Variants in SCLT1 observed in about 807,000 individuals in gnomAD.
The protein encoded by SCLT1 is sodium channel and clathrin linker 1, also known as sodium channel-associated protein 1.
In SCLT1, 78 loss-of-function variants were observed where a neutral mutation model predicts 112.8. The observed-to-expected ratio is 0.69, with a 90% confidence interval of 0.58 to 0.83. The LOEUF is 0.83. Among genes scored for constraint, SCLT1 ranks in the 40% least tolerant of loss-of-function variants. The pLI is 0.00. For missense variants in SCLT1, 747 were observed against 770.4 expected (o/e 0.97, Z 0.36); for synonymous variants, 257 against 254.7 (o/e 1.01, Z -0.09).
intron 18 of SCLT1, among the ~76,000 whole-genome samples, chr4:128,903,264 T>C (rs1264359789): frequency 6.6e-6 from 1 of 151,412 alleles, no homozygotes; most frequent in African/African-American, 2.4e-5. Context: ...ACCTGAGTAA[T>C]GCATTGCACT....
At chr4:128,878,296 CGA>C (rs573537568) in intron 3 of SCLT1, among the ~76,000 whole-genome samples, 3 of 152,168 alleles carry the variant, frequency 2.0e-5, no homozygotes, top group African/African-American at 7.2e-5. Context: ...TATATATGGC[CGA>C]GTTTTACAAA....
chr4:128,975,518 A>T lies in SCLT1; in HGVS notation c.687-5050T>A, dbSNP rs530321677. On this transcript the variant is annotated intron_variant, in intron 9 of 20. Transcript: ENST00000281142. Reference sequence around the variant, plus strand: ...GTACAATGAGTCTATTTTAAGACAAATTTTTATGTTTCTTCCTGCACTGTC... The same window carrying T: ...GTACAATGAGTCTATTTTAAGACAATTTTTTATGTTTCTTCCTGCACTGTC... 1.5e-3 allele frequency among the ~76,000 whole-genome samples: 224 copies of T among 152,288 alleles called. 1 individual carries two copies. The highest frequency in any genetic ancestry group is 5.1e-3 in the African/African-American group (213 of 41,580).
rs1423913250 is a variant in SCLT1, at chr4:128,997,931, T to C, written c.558A>G (p.Leu186=). ...GTTTGGTCAGTTGTTGAAAATCAAA[T>C]AGCTGATCCTACAGTGGGAAGGTAA... ...VFESQKQKDQ[L]FDFQQLTKQL... is the part of the protein sequence containing the mutation. The change falls in exon 8 of 21, where the codon CTA becomes CTG. Residue 186 remains leucine, a synonymous_variant. Coordinates refer to ENST00000281142, the MANE Select transcript of SCLT1 (RefSeq NM_144643.4). 1 of 1,506,738 alleles carries C rather than the reference T, an allele frequency of 6.6e-7. No homozygotes were observed. The highest frequency in any genetic ancestry group is 8.9e-7 in the Non-Finnish European group (1 of 1,118,738). 93.3% of individuals were successfully genotyped at this position (1,506,738 alleles called of 1,614,324 possible). A position where few individuals can be genotyped will look rare whatever the true frequency, so the allele number is the denominator to read the frequency against.
intron 13 of SCLT1, among the ~76,000 whole-genome samples, chr4:128,954,148 G>C (rs1406066448): frequency 6.6e-6 from 1 of 151,930 alleles, no homozygotes; most frequent in Non-Finnish European, 1.5e-5. Context: ...TAAATTTTAT[G>C]ATCTAAAGGT....
intron 2 of SCLT1, among the ~76,000 whole-genome samples, chr4:129,063,874 C>T (rs1417564027): frequency 1.3e-5 from 2 of 152,190 alleles, no homozygotes; most frequent in Admixed American, 6.5e-5. Flanking sequence ...AAGCCAGGAG[C>T]TTACTCACTA....
intron 5 of SCLT1, among the ~76,000 whole-genome samples, chr4:129,016,035 CTTG>C (rs889549445): frequency 2.0e-5 from 3 of 151,982 alleles, no homozygotes; most frequent in Non-Finnish European, 2.9e-5. Flanking sequence ...GATTAATTAT[CTTG>C]TTATGTCTCA....
In SCLT1 at chr4:128,936,857, G is replaced by A; in HGVS notation, c.1633-6C>T. On this transcript the variant is annotated splice_region_variant and splice_polypyrimidine_tract_variant and intron_variant, in intron 17 of 20. Transcript: ENST00000281142. The stretch of plus-strand genomic sequence containing the variant: ...TCATGTTCCATTGTACTGATCTAAA[G>A]AATAAAATGAAAACGTATTTTCTTT... 7.0e-7 allele frequency: 1 copy of A among 1,427,452 alleles called. No individual in the cohort carries two copies. Among genetic ancestry groups the A allele is most frequent in the Non-Finnish European group, 9.6e-7 (1 of 1,044,262 alleles). The allele number at this position is 1,427,452 out of a possible 1,614,324, so 88.4% of individuals were successfully genotyped here. A position where few individuals can be genotyped will look rare whatever the true frequency, so the allele number is the denominator to read the frequency against.
At chr4:128,906,601 G>A (rs908017904) in intron 18 of SCLT1, among the ~76,000 whole-genome samples, 2 of 152,162 alleles carry the variant, frequency 1.3e-5, no homozygotes, top group African/African-American at 4.8e-5. Flanking sequence ...ATCCTTCACA[G>A]GAAGCTTATT....
chr4:129,051,686 C>A (rs1254868511), intron 2 of SCLT1, among the ~76,000 whole-genome samples: 2 of 152,178 alleles, frequency 1.3e-5, no homozygotes, highest in Non-Finnish European at 2.9e-5. Context: ...GACAATATGA[C>A]TTCCTCTTTT....
intron 5 of SCLT1, 52 bp downstream of exon 5, chr4:129,038,987 TAA>T: frequency 2.7e-6 from 3 of 1,100,012 alleles, no homozygotes; most frequent in Non-Finnish European, 4.1e-6. Context: ...ATAACAAAAA[TAA>T]AAGTTACCTA....
intron 5 of SCLT1, among the ~76,000 whole-genome samples, chr4:129,028,427 A>C (rs1287102958): frequency 6.6e-6 from 1 of 152,182 alleles, no homozygotes; most frequent in Non-Finnish European, 1.5e-5. Context: ...GCAATGGGGA[A>C]AGGATTCCCT....
chr4:128,945,561 C>G (rs954305475), intron 16 of SCLT1, among the ~76,000 whole-genome samples: 1 of 151,844 alleles, frequency 6.6e-6, no homozygotes, highest in East Asian at 1.9e-4. Flanking sequence ...TTAGGTAATA[C>G]CGTCGGGGTG....
intron 9 of SCLT1, among the ~76,000 whole-genome samples, chr4:128,979,993 T>A (rs972296307): frequency 6.6e-6 from 1 of 152,236 alleles, no homozygotes; most frequent in Non-Finnish European, 1.5e-5. Context: ...CAGTAATCCC[T>A]TTAAATAACA....
intron 18 of SCLT1, among the ~76,000 whole-genome samples, chr4:128,900,626 T>C (rs1734199656): frequency 6.6e-6 from 1 of 152,200 alleles, no homozygotes; most frequent in African/African-American, 2.4e-5. Flanking sequence ...GGCAAGGACT[T>C]CATGTCTAAA....
chr4:128,897,303 C>T (rs1203889344), intron 18 of SCLT1, among the ~76,000 whole-genome samples: 1 of 151,982 alleles, frequency 6.6e-6, no homozygotes, highest in South Asian at 2.1e-4. Flanking sequence ...AAGGGAAGCC[C>T]ATCAGACTAA....
chr4:128,975,039 ACTT>A (rs1486968378), intron 9 of SCLT1, among the ~76,000 whole-genome samples: 2 of 60,134 alleles, frequency 3.3e-5, no homozygotes, highest in Non-Finnish European at 5.7e-5. Context: ...TTGAATGACA[ACTT>A]TTTTTTTTTT....
Position 129,087,316 on chromosome 4 carries a change from A to G in SCLT1, c.35-4943T>C, listed in dbSNP as rs923737669. Among the ~76,000 whole-genome samples the G allele has an allele frequency of 4.8e-4, 73 of 152,222 alleles. 1 individual carries two copies. Among genetic ancestry groups the G allele is most frequent in the Non-Finnish European group, 1.5e-4 (10 of 68,044 alleles). Reference sequence around the variant, plus strand: ...ATTTTAAAACCTTTCCACAAAGAAAACTTCAGGTCCAGTTGGCTTCACTGG... The same window carrying G: ...ATTTTAAAACCTTTCCACAAAGAAAGCTTCAGGTCCAGTTGGCTTCACTGG... On this transcript the variant is annotated intron_variant, in intron 1 of 20. Coordinates refer to ENST00000281142, the MANE Select transcript of SCLT1 (RefSeq NM_144643.4).
rs1732746211 is a variant in SCLT1, at chr4:128,884,539, G to A, written c.2005C>T (p.Leu669Phe). 1.3e-6 allele frequency: 2 copies of A among 1,591,038 alleles called. No homozygotes were observed. The highest frequency in any genetic ancestry group is 1.7e-6 in the Non-Finnish European group (2 of 1,160,718). The change falls in exon 21 of 21, where the codon CTC becomes TTC. Residue 669 changes from leucine to phenylalanine, a missense_variant and splice_region_variant. Physicochemically the swap from Leu to Phe is conservative, Grantham distance 22. This residue lies in a region of SCLT1 where 24 missense variants were observed against 49.1 expected (regional missense o/e 0.49). Transcript: ENST00000281142. ...CTTCTCTGCACTGTAATCACACTGA[G>A]CTGCAATTAAAATAAACAATCGGTA... Reference protein sequence around the residue: ...EERAASASQQLSVITVQRRKA... With the variant: ...EERAASASQQFSVITVQRRKA...
intron 18 of SCLT1, among the ~76,000 whole-genome samples, chr4:128,930,710 A>G (rs1021894742): frequency 6.6e-6 from 1 of 152,218 alleles, no homozygotes; most frequent in African/African-American, 2.4e-5. Context: ...AAAGACGGTT[A>G]AAGAAGAAAT....
Sources: allele counts gnomAD v4.1 joint callset (sites outside exome capture counted in the v4.1 genomes callset), GRCh38; gene constraint gnomAD v4.1.1; regional missense constraint gnomAD v4.1.1; transcripts MANE v1.5; gene names NCBI Gene and HGNC (gene_info 2026-07-23, HGNC 2026-07-21).